GOLGA4: variants seen among roughly 807,000 people sequenced by gnomAD.
The protein encoded by GOLGA4 is golgin A4.
Under a neutral mutation model 265.9 loss-of-function variants are expected in GOLGA4, and 169 were observed. The observed-to-expected ratio is 0.64, with a 90% confidence interval of 0.56 to 0.72. The LOEUF (loss-of-function observed/expected upper bound fraction) is 0.72. GOLGA4 is among the 30% of genes least tolerant of loss of function. The pLI, the probability that GOLGA4 is intolerant of heterozygous loss-of-function variation, is 0.00. For missense variants in GOLGA4, 2,482 were observed against 2,483.4 expected, an observed-to-expected ratio of 1.00 and a Z score of 0.01; for synonymous variants, 923 against 855.8, an observed-to-expected ratio of 1.08 and a Z score of -1.37.
intron 2 of GOLGA4, among the ~76,000 whole-genome samples, chr3:37,268,921 C>A (rs1417503348): frequency 6.6e-6 from 1 of 152,156 alleles, no homozygotes; most frequent in Non-Finnish European, 1.5e-5. Flanking sequence ...TAGCATATCC[C>A]ATATTAGAAT....
At chr3:37,276,154 A>AG (rs1266045937) in intron 2 of GOLGA4, 2 of 1,603,386 alleles carry the variant, frequency 1.2e-6, no homozygotes, top group African/African-American at 2.7e-5. Context: ...CTCTTCGAAC[A>AG]GGGGATGACT....
intron 2 of GOLGA4, among the ~76,000 whole-genome samples, chr3:37,268,128 C>T (rs2096788492): frequency 6.6e-6 from 1 of 152,076 alleles, no homozygotes; most frequent in Admixed American, 6.6e-5. Flanking sequence ...GTTGTTCAGG[C>T]TGGAATGCAG....
chr3:37,262,442 G>T (rs542373175), intron 2 of GOLGA4, among the ~76,000 whole-genome samples: 1 of 152,142 alleles, frequency 6.6e-6, no homozygotes, highest in East Asian at 1.9e-4. Context: ...CGCGGGAGGT[G>T]GAGGTTGCAG....
intron 2 of GOLGA4, among the ~76,000 whole-genome samples, chr3:37,265,410 C>G (rs1047138324): frequency 1.3e-5 from 2 of 152,110 alleles, no homozygotes; most frequent in African/African-American, 4.8e-5. Flanking sequence ...TATGTAAGTA[C>G]AAATAAATGA....
rs1421741862 is a variant in GOLGA4 at position 37,338,179 on chromosome 3, A to G, written c.6396+445A>G. On this transcript the variant is annotated intron_variant, in intron 19 of 23. Coordinates refer to ENST00000361924, the MANE Select transcript of GOLGA4 (RefSeq NM_002078.5). Reference sequence around the variant, plus strand: ...ACCTTCAAGGATGCACAGTACACCCATACCAGGATATGTGGTATATGATCT... The same window carrying G: ...ACCTTCAAGGATGCACAGTACACCCGTACCAGGATATGTGGTATATGATCT... Among the ~76,000 whole-genome samples, 4 of 152,326 alleles carry G rather than the reference A, an allele frequency of 2.6e-5. No homozygotes were observed. The South Asian group carries it at 6.2e-4, about 24-fold the overall frequency.
chr3:37,296,804 C>G (rs375237051), intron 7 of GOLGA4, among the ~76,000 whole-genome samples: 2 of 152,180 alleles, frequency 1.3e-5, no homozygotes, highest in African/African-American at 4.8e-5. Context: ...CTCCTAATCT[C>G]AAGTAATCTA....
intron 20 of GOLGA4, among the ~76,000 whole-genome samples, chr3:37,342,454 A>G (rs549313936): frequency 6.6e-6 from 1 of 152,128 alleles, no homozygotes; most frequent in East Asian, 1.9e-4. Context: ...TATCCCTCTC[A>G]TCATTTTTAC....
intron 2 of GOLGA4, 135 bp downstream of exon 2, chr3:37,251,619 A>AT (rs1420196312): frequency 1.8e-5 from 10 of 550,064 alleles, no homozygotes; most frequent in Non-Finnish European, 3.2e-5. Context: ...TAGTAACACA[A>AT]TTGGTCTTTT....
chr3:37,286,587 G>A (rs954711552), intron 4 of GOLGA4, among the ~76,000 whole-genome samples: 2 of 152,142 alleles, frequency 1.3e-5, no homozygotes, highest in Non-Finnish European at 2.9e-5. Context: ...CTCTGTTAAG[G>A]ATGAGCTTCC....
chr3:37,342,295 G>A (rs1240710043), intron 20 of GOLGA4, among the ~76,000 whole-genome samples: 2 of 152,196 alleles, frequency 1.3e-5, no homozygotes, highest in Non-Finnish European at 2.9e-5. Context: ...AGTGAGCCAA[G>A]ATCACACCAC....
At chr3:37,300,287 C>T (rs1211046522) in intron 9 of GOLGA4, among the ~76,000 whole-genome samples, 4 of 152,120 alleles carry the variant, frequency 2.6e-5, no homozygotes, top group Non-Finnish European at 5.9e-5. Context: ...GGTCCTTTTT[C>T]TAAGCAGCTC....
chr3:37,358,807 C>T (rs547250784), intron 22 of GOLGA4, among the ~76,000 whole-genome samples: 1 of 152,204 alleles, frequency 6.6e-6, no homozygotes, highest in East Asian at 1.9e-4. Flanking sequence ...CCACAAAATG[C>T]CCCCATCTCC....
At chr3:37,359,965 G>C (rs987254987) in intron 22 of GOLGA4, among the ~76,000 whole-genome samples, 1 of 152,078 alleles carries the variant, frequency 6.6e-6, no homozygotes, top group African/African-American at 2.4e-5. Context: ...AAGGTAATAC[G>C]TGATCACTGG....
At chr3:37,351,749 G>A (rs1236220771) in intron 21 of GOLGA4, among the ~76,000 whole-genome samples, 2 of 152,102 alleles carry the variant, frequency 1.3e-5, no homozygotes, top group Non-Finnish European at 2.9e-5. Context: ...TGAGCAGTAG[G>A]TCTCAACAGT....
chr3:37,243,375 G>GCCGACA lies in GOLGA4; in HGVS notation c.-173_-168dup. Reference sequence around the variant, plus strand: ...AAGAAAGAGACGCGGCGGCGGCGACGCCGACACCCTCAGGACGAGTGTCCG... The same window carrying GCCGACA: ...AAGAAAGAGACGCGGCGGCGGCGACGCCGACACCGACACCCTCAGGACGAGTGTCCG... On this transcript the variant is annotated 5_prime_UTR_variant, in exon 1 of 24. Coordinates refer to ENST00000361924, the MANE Select transcript of GOLGA4 (RefSeq NM_002078.5). The GCCGACA allele has an allele frequency of 1.7e-6, 1 of 591,694 alleles. No homozygotes were observed. 36.7% of individuals were successfully genotyped at this position (591,694 alleles called of 1,614,324 possible). A position where few individuals can be genotyped will look rare whatever the true frequency, so the allele number is the denominator to read the frequency against.
At chr3:37,304,350 A>G (rs921567818) in intron 10 of GOLGA4, among the ~76,000 whole-genome samples, 9 of 152,216 alleles carry the variant, frequency 5.9e-5, no homozygotes, top group African/African-American at 2.2e-4. Flanking sequence ...GACTTATTTT[A>G]TGGATAAAGT....
At chr3:37,303,126 G>A (rs1352495476) in intron 10 of GOLGA4, among the ~76,000 whole-genome samples, 1 of 152,268 alleles carries the variant, frequency 6.6e-6, no homozygotes, top group Admixed American at 6.5e-5. Context: ...TCTTGCTGAA[G>A]TGGGAAATGC....
intron 14 of GOLGA4, 143 bp downstream of exon 14, chr3:37,327,968 TATG>T: frequency 1.5e-6 from 1 of 664,842 alleles, no homozygotes; most frequent in Admixed American, 3.3e-5. Flanking sequence ...ATATGTTAAA[TATG>T]AGGAGAAATA....
chr3:37,317,822 G>A (rs1350017651), intron 11 of GOLGA4, among the ~76,000 whole-genome samples: 2 of 152,076 alleles, frequency 1.3e-5, no homozygotes, highest in Non-Finnish European at 2.9e-5. Context: ...TTTGTTTATA[G>A]TGAGAATTAG....
Sources: gnomAD v4.1 joint callset for allele counts (sites outside exome capture counted in the v4.1 genomes callset) on GRCh38, gnomAD v4.1.1 for gene constraint, MANE v1.5 for transcripts, NCBI Gene and HGNC (gene_info 2026-07-23, HGNC 2026-07-21) for gene names.